Variants in ZNF556 observed in about 807,000 individuals in gnomAD.
The protein encoded by ZNF556 is zinc finger protein 556.
In ZNF556, 11 loss-of-function variants were observed where a neutral mutation model predicts 13.6. That is an observed-to-expected ratio of 0.81 (90% confidence interval 0.51 to 1.33). The LOEUF is 1.33. Ranked by LOEUF, ZNF556 falls within the 40% of genes most tolerant of loss-of-function variation. The pLI, the probability that ZNF556 is intolerant of heterozygous loss-of-function variation, is 0.00. For synonymous variants in ZNF556, 229 were observed against 207.8 expected (o/e 1.10, Z -0.88); for missense variants, 633 against 566.2 (o/e 1.12, Z -1.20).
At chr19:2,874,265 A>C (rs1183812534) in intron 2 of ZNF556, among the ~76,000 whole-genome samples, 5 of 149,368 alleles carry the variant, frequency 3.3e-5, no homozygotes, top group African/African-American at 1.3e-4. Flanking sequence ...TCAAAAAATA[A>C]ATAAATAAAT....
At chr19:2,871,738 G>C (rs1330269460) in intron 1 of ZNF556, among the ~76,000 whole-genome samples, 1 of 152,180 alleles carries the variant, frequency 6.6e-6, no homozygotes, top group Non-Finnish European at 1.5e-5. Flanking sequence ...AGAGAGCGTA[G>C]AAATAAAGAC....
Position 2,882,531 on chromosome 19 carries a change from A to ATATATATAGTGTGTGTGTGTGTGT in ZNF556, c.*4202_*4203insTATATATAGTGTGTGTGTGTGTGT, listed in dbSNP as rs57053138. On this transcript the variant is annotated 3_prime_UTR_variant, in exon 4 of 4. Coordinates refer to ENST00000307635, the MANE Select transcript of ZNF556 (RefSeq NM_024967.3). ...ATACATTTTATATATATATATATAT[A>ATATATATAGTGTGTGTGTGTGTGT]GTGTGTGTGTGTGTGTGTGTGTGTG... is the stretch of plus-strand genomic sequence containing the variant. 5 of 127,722 alleles carry ATATATATAGTGTGTGTGTGTGTGT rather than the reference A, an allele frequency of 3.9e-5. No homozygotes were observed. Among genetic ancestry groups the ATATATATAGTGTGTGTGTGTGTGT allele is most frequent in the African/African-American group, 1.5e-4 (5 of 32,940 alleles). 7.9% of individuals were successfully genotyped at this position (127,722 alleles called of 1,614,324 possible).
In ZNF556 at chr19:2,880,653, C is replaced by G. The variant is rs971810498; in HGVS notation, c.*2324C>G. On this transcript the variant is annotated 3_prime_UTR_variant, in exon 4 of 4. Coordinates refer to ENST00000307635, the MANE Select transcript of ZNF556 (RefSeq NM_024967.3). The stretch of plus-strand genomic sequence containing the variant: ...GTGTGCTGGTAGGTGCCTGTAGTCC[C>G]AGCTACTCGGGAGGCTGAGGAAGGA... The G allele has an allele frequency of 6.6e-6, 1 of 151,178 alleles. No individual in the cohort carries two copies. The highest frequency in any genetic ancestry group is 1.5e-5 in the Non-Finnish European group (1 of 67,898). The allele number at this position is 151,178 out of a possible 1,614,324, so 9.4% of individuals were successfully genotyped here. A position where few individuals can be genotyped will look rare whatever the true frequency, so the allele number is the denominator to read the frequency against.
At chr19:2,874,787 A>G (rs1051183491) in intron 2 of ZNF556, among the ~76,000 whole-genome samples, 4 of 151,430 alleles carry the variant, frequency 2.6e-5, no homozygotes, top group Admixed American at 2.6e-4. Context: ...AGAAAAAGAA[A>G]AGACTTAGGG....
chr19:2,876,046 C>T, intron 2 of ZNF556, 47 bp from the exon 3 acceptor site: 1 of 1,520,802 alleles, frequency 6.6e-7, no homozygotes, highest in Non-Finnish European at 8.9e-7. Flanking sequence ...TTACTTCTTT[C>T]TTTGCAGATG....
In ZNF556 at chr19:2,879,841, TATC is replaced by T. The variant is rs1461805242; in HGVS notation, c.*1515_*1517del. 6.7e-6 allele frequency: 1 copy of T among 149,392 alleles called. No homozygotes were observed. The highest frequency in any genetic ancestry group is 2.4e-5 in the African/African-American group (1 of 41,022). 9.3% of individuals were successfully genotyped at this position (149,392 alleles called of 1,614,324 possible). A position where few individuals can be genotyped will look rare whatever the true frequency, so the allele number is the denominator to read the frequency against. ...GTCAGGAAATCGAGACCATCCTGGC[TATC>T]ATGGTGAAACCCCGTCTCTACTAAA... On this transcript the variant is annotated 3_prime_UTR_variant, in exon 4 of 4. Transcript: ENST00000307635.
chr19:2,877,581 G>A lies in ZNF556; in HGVS notation c.623G>A (p.Cys208Tyr). 1 of 1,614,200 alleles carries A rather than the reference G, an allele frequency of 6.2e-7. No homozygotes were observed. The highest frequency in any genetic ancestry group is 1.1e-5 in the South Asian group (1 of 91,088). The stretch of plus-strand genomic sequence containing the variant: ...GAGAAACCCTATGCCTGTCAATCTT[G>A]CGGGAAGACATTTCTTCGTTCCCAC... ...SGEKPYACQS[C>Y]GKTFLRSHSL... The change falls in exon 4 of 4, where the codon TGC becomes TAC. Residue 208 changes from cysteine to tyrosine, a missense_variant. Transcript: ENST00000307635.
chr19:2,869,270 C>T (rs184821931), intron 1 of ZNF556, among the ~76,000 whole-genome samples: 1 of 152,272 alleles, frequency 6.6e-6, no homozygotes, highest in African/African-American at 2.4e-5. Context: ...TCCATTATTC[C>T]AGCTTTCCTG....
In ZNF556 at chr19:2,869,109, A is replaced by C. The variant is rs138471106; in HGVS notation, c.3+1685A>C. Among the ~76,000 whole-genome samples the C allele has an allele frequency of 1.6e-3, 247 of 152,110 alleles. 1 individual carries two copies. Among genetic ancestry groups the C allele is most frequent in the African/African-American group, 5.7e-3 (236 of 41,500 alleles). On this transcript the variant is annotated intron_variant, in intron 1 of 3. Coordinates refer to ENST00000307635, the MANE Select transcript of ZNF556 (RefSeq NM_024967.3). ...GCTAGTGACTATTCGGGTATTTTCA[A>C]ATTTTTTCCATTGTGACCAGTGCCC...
rs745955403 is a variant in ZNF556, at chr19:2,877,786, C to G, written c.828C>G (p.Val276=). ...TCAGGTGTCAGAAATCCTTTCGAGT[C>G]CATATGATCATGCACGCCGGAGGGA... The part of the protein sequence containing the change: ...KAFRCQKSFR[V]HMIMHAGGRP... The change falls in exon 4 of 4, where the codon GTC becomes GTG. Residue 276 remains valine (V), a synonymous_variant. Transcript: ENST00000307635. 6.8e-6 allele frequency: 11 copies of G among 1,610,576 alleles called. No homozygotes were observed. The South Asian group carries it at 1.2e-4, about 18-fold the overall frequency.
At chr19:2,874,015 G>A (rs1008830392) in intron 2 of ZNF556, among the ~76,000 whole-genome samples, 1 of 150,794 alleles carries the variant, frequency 6.6e-6, no homozygotes, top group East Asian at 2.0e-4. Context: ...TCAGCACTTT[G>A]GGAGGCCAAG....
In ZNF556 at chr19:2,877,874, G is replaced by A. The variant is rs146963973; in HGVS notation, c.916G>A (p.Val306Met). The change falls in exon 4 of 4, where the codon GTG becomes ATG. Residue 306 changes from valine (V) to methionine (M), a missense_variant. Transcript: ENST00000307635. ...CTGGGCAACATCCTTTCAACGACAC[G>A]TGAGAATTCACAACGGGGAGAAACC... ...YCWATSFQRH[V>M]RIHNGEKPYK... The A allele has an allele frequency of 3.1e-4, 503 of 1,614,086 alleles. 1 individual carries two copies. The highest frequency in any genetic ancestry group is 4.0e-4 in the Non-Finnish European group (469 of 1,180,054).
chr19:2,872,190 C>T (rs2087808687), intron 1 of ZNF556, among the ~76,000 whole-genome samples: 1 of 152,098 alleles, frequency 6.6e-6, no homozygotes, highest in Non-Finnish European at 1.5e-5. Context: ...ATGTCAGGCC[C>T]TCCACAAGAG....
chr19:2,880,727 A>C lies in ZNF556; in HGVS notation c.*2398A>C, dbSNP rs1431788125. 2.6e-5 allele frequency: 4 copies of C among 151,926 alleles called. No homozygotes were observed. The highest frequency in any genetic ancestry group is 5.9e-5 in the Non-Finnish European group (4 of 67,962). The allele number at this position is 151,926 out of a possible 1,614,324, so 9.4% of individuals were successfully genotyped here. A position where few individuals can be genotyped will look rare whatever the true frequency, so the allele number is the denominator to read the frequency against. On this transcript the variant is annotated 3_prime_UTR_variant, in exon 4 of 4. Transcript: ENST00000307635. ...GAGCTTGCCAAGATTGCGACACTGC[A>C]CTCCAGCCTGGGTGACAGAGCGAGA... is the stretch of plus-strand genomic sequence containing the variant.
intron 1 of ZNF556, among the ~76,000 whole-genome samples, chr19:2,869,269 C>A (rs545243864): frequency 6.6e-6 from 1 of 152,324 alleles, no homozygotes; most frequent in African/African-American, 2.4e-5. Context: ...CTCCATTATT[C>A]CAGCTTTCCT....
Position 2,879,952 on chromosome 19 carries a change from C to T in ZNF556, c.*1623C>T, listed in dbSNP as rs1178158965. On this transcript the variant is annotated 3_prime_UTR_variant, in exon 4 of 4. Coordinates refer to ENST00000307635, the MANE Select transcript of ZNF556 (RefSeq NM_024967.3). ...GGCTGAGGCAGGAGGATGGCGTGAA[C>T]CTGGGAGGCGAAGCTTGCAGTGAGC... 1 of 152,102 alleles carries T rather than the reference C, an allele frequency of 6.6e-6. No individual in the cohort carries two copies. The highest frequency in any genetic ancestry group is 1.9e-4 in the East Asian group (1 of 5,162). The allele number at this position is 152,102 out of a possible 1,614,324, so 9.4% of individuals were successfully genotyped here.
In ZNF556 at chr19:2,879,005, A is replaced by G. The variant is rs1320757925; in HGVS notation, c.*676A>G. 2 of 152,132 alleles carry G rather than the reference A, an allele frequency of 1.3e-5. No homozygotes were observed. The highest frequency in any genetic ancestry group is 2.9e-5 in the Non-Finnish European group (2 of 68,030). 9.4% of individuals were successfully genotyped at this position (152,132 alleles called of 1,614,324 possible). A position where few individuals can be genotyped will look rare whatever the true frequency, so the allele number is the denominator to read the frequency against. On this transcript the variant is annotated 3_prime_UTR_variant, in exon 4 of 4. Coordinates refer to ENST00000307635, the MANE Select transcript of ZNF556 (RefSeq NM_024967.3). ...TACTCCGTGTGAGGCCATTAGACCA[A>G]TGAAATATGGGTGTTTGTTGACATT...
At position 2,877,741 on chromosome 19, in the gene ZNF556, C is replaced by T; in HGVS notation, c.783C>T (p.Cys261=). The T allele has an allele frequency of 6.2e-7, 1 of 1,613,196 alleles. No homozygotes were observed. The highest frequency in any genetic ancestry group is 8.5e-7 in the Non-Finnish European group (1 of 1,179,616). Residue 261 remains cysteine, a synonymous_variant, in exon 4 of 4, where the codon TGC becomes TGT. Transcript: ENST00000307635. ...MMHAGGRPYE[C]KHCGKAFRCQ... ...ACGCCGGAGGGAGACCGTATGAGTG[C>T]AAGCACTGTGGGAAAGCCTTCAGGT... is the stretch of plus-strand genomic sequence containing the variant.
intron 1 of ZNF556, among the ~76,000 whole-genome samples, chr19:2,871,793 C>T (rs898882333): frequency 1.3e-5 from 2 of 152,186 alleles, no homozygotes; most frequent in African/African-American, 2.4e-5. Context: ...GGGACCACAA[C>T]CACCAAGTCG....
Sources: allele counts gnomAD v4.1 joint callset (sites outside exome capture counted in the v4.1 genomes callset), GRCh38; gene constraint gnomAD v4.1.1; transcripts MANE v1.5; gene names NCBI Gene and HGNC (gene_info 2026-07-23, HGNC 2026-07-21).